The following PCDHGB7 variants were observed in gnomAD, a reference collection of about 807,000 sequenced individuals.
PCDHGB7 encodes protocadherin gamma subfamily B, 7, also known as protocadherin gamma-B7.
Under a neutral mutation model 61.4 loss-of-function variants are expected in PCDHGB7, and 37 were observed. That is an observed-to-expected ratio of 0.60 (90% CI 0.46 to 0.79). The LOEUF is 0.79. Ranked by LOEUF, PCDHGB7 falls within the 30% of genes least tolerant of loss-of-function variation. PCDHGB7 has a pLI of 0.00. For synonymous variants in PCDHGB7, 464 were observed against 503.5 expected (o/e 0.92, Z 1.05); for missense variants, 1,166 against 1,202.5 (o/e 0.97, Z 0.45).
At chr5:141,456,336 G>A (rs2098850873) in intron 1 of PCDHGB7, among the ~76,000 whole-genome samples, 1 of 152,242 alleles carries the variant, frequency 6.6e-6, no homozygotes, top group Non-Finnish European at 1.5e-5. Context: ...TGATCTAAGG[G>A]TCCTCGGAAG....
intron 1 of PCDHGB7, chr5:141,421,732 C>T: frequency 6.2e-7 from 1 of 1,613,934 alleles, no homozygotes; most frequent in Non-Finnish European, 8.5e-7. Flanking sequence ...GAACTCCCTC[C>T]AGAGCTACCA....
At chr5:141,464,748 T>C (rs995568259) in intron 1 of PCDHGB7, among the ~76,000 whole-genome samples, 2 of 152,190 alleles carry the variant, frequency 1.3e-5, no homozygotes, top group Admixed American at 1.3e-4. Context: ...TATCTTTTTG[T>C]TTTTTTAGAG....
Position 141,489,765 on chromosome 5 carries a change from C to A in PCDHGB7, c.2416-5042C>A. On this transcript the variant is annotated intron_variant, in intron 1 of 3. Transcript: ENST00000398594. The surrounding 1 kb of genome is among the most constrained non-coding windows in gnomAD (Gnocchi z 4.5). ...TGAGCTTTTACACTCTAAGCCCCAA[C>A]AGCCACTTCTCTCTGAATGTGAAGA... 2.5e-6 allele frequency: 4 copies of A among 1,614,174 alleles called. No individual in the cohort carries two copies. The highest frequency in any genetic ancestry group is 3.4e-6 in the Non-Finnish European group (4 of 1,179,992).
intron 1 of PCDHGB7, among the ~76,000 whole-genome samples, chr5:141,451,302 G>T (rs1445994098): frequency 6.6e-6 from 1 of 152,208 alleles, no homozygotes; most frequent in Non-Finnish European, 1.5e-5. Context: ...GTCTTACAAG[G>T]CAGCAATTAA....
At chr5:141,495,697 A>G (rs1010733016) in intron 2 of PCDHGB7, among the ~76,000 whole-genome samples, 1 of 152,086 alleles carries the variant, frequency 6.6e-6, no homozygotes, top group Non-Finnish European at 1.5e-5. Flanking sequence ...AGTGCTCAAT[A>G]AATGTGGAGT....
At position 141,489,244 on chromosome 5, in the gene PCDHGB7, G is replaced by A. The variant is rs145484133; in HGVS notation, c.2416-5563G>A. ...TCCACAAAGGGACTTCTGGGTCATG[G>A]GGCCCAAGACACTCCCACAGCTCGC... On this transcript the variant is annotated intron_variant, in intron 1 of 3. Coordinates refer to ENST00000398594, the MANE Select transcript of PCDHGB7 (RefSeq NM_018927.4). This position sits in a 1 kb window ranked among gnomAD's most constrained non-coding sequence, Gnocchi z 4.5. 5 of 1,534,936 alleles carry A rather than the reference G, an allele frequency of 3.3e-6. No individual in the cohort carries two copies. In the African/African-American group the frequency reaches 5.5e-5, roughly 17 times the overall value.
At chr5:141,436,764 A>G (rs1248797699) in intron 1 of PCDHGB7, among the ~76,000 whole-genome samples, 1 of 152,214 alleles carries the variant, frequency 6.6e-6, no homozygotes, top group East Asian at 1.9e-4. Flanking sequence ...GGTATAATGG[A>G]ATGATTTGTG....
intron 1 of PCDHGB7, chr5:141,423,606 GAT>G: frequency 6.2e-7 from 1 of 1,612,164 alleles, no homozygotes; most frequent in African/African-American, 1.3e-5. Flanking sequence ...AGCCACTCTT[GAT>G]AGCTGAAGAC....
rs2099624499 is a variant in PCDHGB7, at chr5:141,486,100, C to A, written c.2416-8707C>A. The A allele has an allele frequency of 6.2e-7, 1 of 1,614,072 alleles. No homozygotes were observed. The highest frequency in any genetic ancestry group is 1.3e-5 in the African/African-American group (1 of 74,930). ...AGCTTACTCTTTTGGGGCCCCTAGA[C>A]TTTGAGAGTGAGAATTACTATGAAT... On this transcript the variant is annotated intron_variant, in intron 1 of 3. Coordinates refer to ENST00000398594, the MANE Select transcript of PCDHGB7 (RefSeq NM_018927.4). This position sits in a 1 kb window ranked among gnomAD's most constrained non-coding sequence, Gnocchi z 5.0.
chr5:141,494,198 C>T (rs1383940298), intron 1 of PCDHGB7, among the ~76,000 whole-genome samples: 8 of 152,158 alleles, frequency 5.3e-5, no homozygotes, highest in African/African-American at 1.7e-4. Context: ...TTGGATGCCC[C>T]GCAAAGGCCC....
chr5:141,422,027 C>A, intron 1 of PCDHGB7: 1 of 1,610,650 alleles, frequency 6.2e-7, no homozygotes, highest in Non-Finnish European at 8.5e-7. Context: ...ATGGTTAATG[C>A]AACGGATCCA....
chr5:141,433,199 ATCT>A (rs1202688924), intron 1 of PCDHGB7: 4 of 1,579,570 alleles, frequency 2.5e-6, no homozygotes, highest in East Asian at 2.2e-5. Context: ...TTTATATCAA[ATCT>A]TCTTTCTTTT....
chr5:141,490,051 G>A lies in PCDHGB7; in HGVS notation c.2416-4756G>A, dbSNP rs779280988. The A allele has an allele frequency of 6.2e-6, 10 of 1,614,094 alleles. No homozygotes were observed. Among genetic ancestry groups the A allele is most frequent in the Admixed American group, 5.0e-5 (3 of 60,012 alleles). ...CCGCCTCAATGCCACTGATCCAGAC[G>A]AGGGCACCAACGGCCAACTAGACTA... On this transcript the variant is annotated intron_variant, in intron 1 of 3. Coordinates refer to ENST00000398594, the MANE Select transcript of PCDHGB7 (RefSeq NM_018927.4). The surrounding 1 kb of genome is among the most constrained non-coding windows in gnomAD (Gnocchi z 5.4).
In PCDHGB7 at chr5:141,419,381, A is replaced by T. The variant is rs1170271990; in HGVS notation, c.1522A>T (p.Ser508Cys). ...AACGCTGTCGTCCTACGTGTCCGTG[A>T]GCGCGCAGAGCGGGGTGGTGTTCGC... ...SRTLSSYVSV[S>C]AQSGVVFAQR... Residue 508 changes from serine (S) to cysteine (C), a missense_variant, in exon 1 of 4, where the codon AGC (serine) becomes TGC (cysteine). By Grantham distance (112) the Ser-to-Cys change is moderately radical. Transcript: ENST00000398594. The T allele has an allele frequency of 6.2e-7, 1 of 1,613,544 alleles. No individual in the cohort carries two copies. Among genetic ancestry groups the T allele is most frequent in the Admixed American group, 1.7e-5 (1 of 60,010 alleles).
intron 1 of PCDHGB7, among the ~76,000 whole-genome samples, chr5:141,488,635 C>T (rs1476156734): frequency 6.6e-6 from 1 of 152,152 alleles, no homozygotes; most frequent in Non-Finnish European, 1.5e-5. Flanking sequence ...ACCTTAGCAG[C>T]ATTCAGCAGG....
intron 1 of PCDHGB7, chr5:141,426,986 C>T (rs764345099): frequency 1.8e-5 from 8 of 456,618 alleles, no homozygotes; most frequent in South Asian, 7.7e-5. Flanking sequence ...CTGATGCCAA[C>T]GATAATGCCC....
rs35892780 is a variant in PCDHGB7 at position 141,419,312 on chromosome 5, G to A, written c.1453G>A (p.Gly485Ser). Residue 485 changes from glycine (G) to serine (S), a missense_variant, in exon 1 of 4, where the codon GGC (glycine) becomes AGC (serine). Gly to Ser is a moderately conservative substitution (Grantham distance 56, BLOSUM62 0). Transcript: ENST00000398594. ...CTCTGACCCAGACTTCGGGCTCAAC[G>A]GCCGTGTCTCCTACTCTCTCATTGC... ...SASDPDFGLN[G>S]RVSYSLIASD... The A allele has an allele frequency of 1.2e-6, 2 of 1,613,962 alleles. No individual in the cohort carries two copies. The highest frequency in any genetic ancestry group is 2.2e-5 in the South Asian group (2 of 91,088).
At chr5:141,427,861 T>G (rs776215800) in intron 1 of PCDHGB7, 2 of 1,556,958 alleles carry the variant, frequency 1.3e-6, no homozygotes, top group Admixed American at 1.7e-5. Flanking sequence ...CTGTGCGCCT[T>G]CGAGCTCACG....
intron 2 of PCDHGB7, among the ~76,000 whole-genome samples, chr5:141,497,602 C>T (rs948023459): frequency 2.0e-5 from 3 of 148,260 alleles, no homozygotes; most frequent in East Asian, 2.0e-4. Flanking sequence ...TGCAGTGGTG[C>T]GATCTTGGCT....
Sources: allele counts gnomAD v4.1 joint callset (sites outside exome capture counted in the v4.1 genomes callset), GRCh38; gene constraint gnomAD v4.1.1; non-coding constraint Gnocchi (gnomAD v3.1); transcripts MANE v1.5; gene names NCBI Gene and HGNC (gene_info 2026-07-23, HGNC 2026-07-21).